FARS2: variants seen among roughly 807,000 people sequenced by gnomAD.
The protein encoded by FARS2 is phenylalanyl-tRNA synthetase 2, mitochondrial, also known as phenylalanine--tRNA ligase, mitochondrial.
FARS2 carries 40 observed loss-of-function variants against 46.4 expected under a neutral mutation model. That is an observed-to-expected ratio of 0.86 (90% CI 0.67 to 1.12). The LOEUF (loss-of-function observed/expected upper bound fraction) is 1.12, where lower values mean the gene tolerates loss of function less well. FARS2 is among the 50% of genes most tolerant of loss of function. FARS2 has a pLI of 0.00. For missense variants in FARS2, 513 were observed against 567.9 expected (o/e 0.90, Z 0.98); for synonymous variants, 234 against 214.9 (o/e 1.09, Z -0.78).
At chr6:5,442,414 T>TATAC (rs144331509) in intron 4 of FARS2, among the ~76,000 whole-genome samples, 1,512 of 150,276 alleles carry the variant, frequency 0.01, 23 homozygotes, top group African/African-American at 0.029. Context: ...TATATATATA[T>TATAC]ACACACACAC....
chr6:5,559,684 A>G (rs1302309150), intron 5 of FARS2, among the ~76,000 whole-genome samples: 1 of 151,638 alleles, frequency 6.6e-6, no homozygotes, highest in Non-Finnish European at 1.5e-5. Flanking sequence ...ATGGAAATGT[A>G]GAGGGCCAAG....
chr6:5,409,734 C>G (rs1761825063), intron 3 of FARS2, among the ~76,000 whole-genome samples: 1 of 152,196 alleles, frequency 6.6e-6, no homozygotes, highest in Admixed American at 6.5e-5. Context: ...AAAGCCTTTT[C>G]TTTTTCTTCT....
intron 6 of FARS2, among the ~76,000 whole-genome samples, chr6:5,688,525 G>A (rs1041640083): frequency 1.3e-5 from 2 of 152,142 alleles, no homozygotes; most frequent in African/African-American, 2.4e-5. Context: ...GTATGTTGAA[G>A]CAGCCTTGCA....
chr6:5,285,491 T>G (rs897708588), intron 1 of FARS2, among the ~76,000 whole-genome samples: 3 of 152,220 alleles, frequency 2.0e-5, no homozygotes, highest in African/African-American at 7.2e-5. Context: ...TCAGCTACTT[T>G]TGAGAGACTC....
chr6:5,322,843 A>G (rs1208615782), intron 1 of FARS2, among the ~76,000 whole-genome samples: 1 of 152,218 alleles, frequency 6.6e-6, no homozygotes, highest in Non-Finnish European at 1.5e-5. Flanking sequence ...AAAGCTTCAG[A>G]AATGCTTCCC....
At position 5,410,149 on chromosome 6, in the gene FARS2, G is replaced by GTTTTT. The variant is rs1171325752; in HGVS notation, c.772+5451_772+5455dup. Among the ~76,000 whole-genome samples, 546 of 120,282 alleles carry GTTTTT rather than the reference G, an allele frequency of 4.5e-3. 10 individuals are homozygous for GTTTTT. Among genetic ancestry groups the GTTTTT allele is most frequent in the African/African-American group, 6.9e-3 (195 of 28,320 alleles). The allele number at this position is 120,282 out of a possible 152,430, so 78.9% of individuals were successfully genotyped here. A position where few individuals can be genotyped will look rare whatever the true frequency, so the allele number is the denominator to read the frequency against. On this transcript the variant is annotated intron_variant, in intron 3 of 6. Transcript: ENST00000274680. ...AGAAAAGTGCTTTGTTCGTTTTTGT[G>GTTTTT]TTTTTTTGTTTTTTTTTTTTTTGAG... is the stretch of plus-strand genomic sequence containing the variant.
intron 5 of FARS2, among the ~76,000 whole-genome samples, chr6:5,590,933 T>C (rs1773883849): frequency 2.0e-5 from 3 of 152,186 alleles, no homozygotes; most frequent in Admixed American, 2.0e-4. Flanking sequence ...GAATTAACCA[T>C]GAGAAATTAC....
chr6:5,427,158 G>A (rs916334885), intron 3 of FARS2, among the ~76,000 whole-genome samples: 4 of 152,158 alleles, frequency 2.6e-5, no homozygotes, highest in African/African-American at 9.7e-5. Flanking sequence ...TATACAATGT[G>A]TGATGATCGA....
chr6:5,460,765 G>T (rs1398283800), intron 4 of FARS2, among the ~76,000 whole-genome samples: 1 of 152,296 alleles, frequency 6.6e-6, no homozygotes, highest in East Asian at 1.9e-4. Flanking sequence ...GAGCCAAGCT[G>T]CAGAATGATG....
chr6:5,343,300 C>T lies in FARS2; in HGVS notation c.-21-25250C>T, dbSNP rs894553404. On this transcript the variant is annotated intron_variant, in intron 1 of 6. Coordinates refer to ENST00000274680, the MANE Select transcript of FARS2 (RefSeq NM_006567.5). The surrounding 1 kb of genome is among the most constrained non-coding windows in gnomAD (Gnocchi z 4.5). The stretch of plus-strand genomic sequence containing the variant: ...GATCTTGGCTCACTGCAACCTTCAC[C>T]GCCCTGGTTCCAGTGATTCTCCTGT... 6.6e-5 allele frequency among the ~76,000 whole-genome samples: 10 copies of T among 152,164 alleles called. No homozygotes were observed. The highest frequency in any genetic ancestry group is 1.2e-4 in the African/African-American group (5 of 41,428).
chr6:5,763,198 C>T (rs951220581), intron 6 of FARS2, among the ~76,000 whole-genome samples: 46 of 152,184 alleles, frequency 3.0e-4, no homozygotes, highest in Non-Finnish European at 2.9e-5. Context: ...CTTGCCCTTT[C>T]TTCCTGTGCA....
chr6:5,756,822 AT>A (rs940362898), intron 6 of FARS2, among the ~76,000 whole-genome samples: 5 of 152,196 alleles, frequency 3.3e-5, no homozygotes, highest in African/African-American at 1.2e-4. Context: ...CATAGGAAAA[AT>A]TGTGGTAGAC....
chr6:5,457,653 T>G (rs1224688554), intron 4 of FARS2, among the ~76,000 whole-genome samples: 3 of 152,202 alleles, frequency 2.0e-5, no homozygotes, highest in Non-Finnish European at 4.4e-5. Context: ...TTGGACTCCA[T>G]GAATATTTAA....
intron 4 of FARS2, among the ~76,000 whole-genome samples, chr6:5,539,419 A>G (rs1770467250): frequency 2.0e-5 from 2 of 100,376 alleles, no homozygotes; most frequent in Non-Finnish European, 3.6e-5. Context: ...TTTTTAGTAG[A>G]GACGGGGTTT....
chr6:5,399,939 C>A (rs1444439078), intron 2 of FARS2, among the ~76,000 whole-genome samples: 1 of 152,054 alleles, frequency 6.6e-6, no homozygotes, highest in Non-Finnish European at 1.5e-5. Flanking sequence ...AAATTTTGTG[C>A]ATGTGTATTA....
chr6:5,534,038 G>A (rs9405274), intron 4 of FARS2, among the ~76,000 whole-genome samples: 23,437 of 152,086 alleles, frequency 0.15, 1,979 homozygotes, highest in East Asian at 0.22. Flanking sequence ...AGCTGGGAGG[G>A]ACTTGAGACA....
intron 1 of FARS2, among the ~76,000 whole-genome samples, chr6:5,265,512 C>T (rs749459470): frequency 5.9e-5 from 9 of 152,170 alleles, no homozygotes; most frequent in Non-Finnish European, 1.3e-4. Context: ...TATTCAGGTA[C>T]TGATAACCTT....
chr6:5,742,460 AT>A (rs1378153892), intron 6 of FARS2, among the ~76,000 whole-genome samples: 1 of 152,048 alleles, frequency 6.6e-6, no homozygotes, highest in Admixed American at 6.6e-5. Flanking sequence ...GGCACTCAGT[AT>A]TTTTTTCCCC....
intron 6 of FARS2, among the ~76,000 whole-genome samples, chr6:5,618,693 G>A (rs913341718): frequency 9.9e-5 from 15 of 152,204 alleles, no homozygotes; most frequent in Non-Finnish European, 7.3e-5. Flanking sequence ...TTTTGTTCCA[G>A]CCAGTCATTT....
Sources: gnomAD v4.1 joint callset for allele counts (sites outside exome capture counted in the v4.1 genomes callset) on GRCh38, gnomAD v4.1.1 for gene constraint, Gnocchi (gnomAD v3.1) non-coding constraint, MANE v1.5 for transcripts, NCBI Gene and HGNC (gene_info 2026-07-23, HGNC 2026-07-21) for gene names.